EFCAB11: variants seen among roughly 807,000 people sequenced by gnomAD.
EFCAB11 encodes the protein EF-hand calcium binding domain 11.
EFCAB11 carries 14 observed loss-of-function variants against 23.0 expected under a neutral mutation model. That is an observed-to-expected ratio of 0.61 (90% confidence interval 0.40 to 0.95). The LOEUF (loss-of-function observed/expected upper bound fraction) is 0.95, where lower values mean the gene tolerates loss of function less well. EFCAB11 is among the 40% of genes least tolerant of loss of function. EFCAB11 has a pLI of 0.00. For synonymous variants in EFCAB11, 65 were observed against 66.6 expected (o/e 0.98, Z 0.11); for missense variants, 198 against 195.8 (o/e 1.01, Z -0.07).
chr14:89,940,242 T>C (rs1890744037), intron 3 of EFCAB11, among the ~76,000 whole-genome samples: 1 of 152,172 alleles, frequency 6.6e-6, no homozygotes, highest in Non-Finnish European at 1.5e-5. Context: ...AGTTTCCTGA[T>C]TATAGAAAAG....
At chr14:89,924,364 T>C (rs1265666164) in intron 5 of EFCAB11, 1 of 1,147,438 alleles carries the variant, frequency 8.7e-7, no homozygotes, top group African/African-American at 1.6e-5. Flanking sequence ...TGTGGCAATC[T>C]GCCTGTGCAC....
At chr14:89,879,045 T>G (rs924627666) in intron 5 of EFCAB11, among the ~76,000 whole-genome samples, 4 of 152,274 alleles carry the variant, frequency 2.6e-5, no homozygotes, top group Non-Finnish European at 5.9e-5. Flanking sequence ...TTGACCTTTC[T>G]TTTGCCGAGA....
chr14:89,821,456 A>T (rs1443613604), intron 5 of EFCAB11, among the ~76,000 whole-genome samples: 1 of 152,190 alleles, frequency 6.6e-6, no homozygotes, highest in Non-Finnish European at 1.5e-5. Flanking sequence ...GAGAGCTGTA[A>T]TACCATATGG....
At chr14:89,916,830 G>C (rs1279557628) in intron 5 of EFCAB11, among the ~76,000 whole-genome samples, 1 of 152,058 alleles carries the variant, frequency 6.6e-6, no homozygotes, top group Non-Finnish European at 1.5e-5. Context: ...CTAACAATAA[G>C]ACTTGGGTTA....
intron 5 of EFCAB11, among the ~76,000 whole-genome samples, chr14:89,900,344 G>C (rs72695719): frequency 1.6e-3 from 249 of 152,166 alleles, no homozygotes; most frequent in Non-Finnish European, 3.0e-3. Flanking sequence ...TGATCTCTAG[G>C]GCAATCAGGC....
At chr14:89,907,778 T>C (rs1889543514) in intron 5 of EFCAB11, among the ~76,000 whole-genome samples, 1 of 152,196 alleles carries the variant, frequency 6.6e-6, no homozygotes, top group Non-Finnish European at 1.5e-5. Context: ...TATCTATTTG[T>C]GTTTCCAATG....
chr14:89,893,795 A>G (rs1009333699), intron 5 of EFCAB11, among the ~76,000 whole-genome samples: 2 of 151,578 alleles, frequency 1.3e-5, no homozygotes, highest in Non-Finnish European at 2.9e-5. Context: ...AAAAACAAAC[A>G]AACAAAAAAA....
chr14:89,905,850 T>C (rs1013178797), intron 5 of EFCAB11, among the ~76,000 whole-genome samples: 1 of 152,016 alleles, frequency 6.6e-6, no homozygotes, highest in Admixed American at 6.6e-5. Context: ...GACTTGGTAA[T>C]TGAATGGATT....
intron 5 of EFCAB11, among the ~76,000 whole-genome samples, chr14:89,893,866 A>T (rs1028614208): frequency 6.6e-6 from 1 of 151,996 alleles, no homozygotes; most frequent in African/African-American, 2.4e-5. Context: ...ATTGATATTA[A>T]AACTATACAT....
intron 3 of EFCAB11, among the ~76,000 whole-genome samples, chr14:89,933,737 T>G (rs2139813612): frequency 6.6e-6 from 1 of 152,288 alleles, no homozygotes. Flanking sequence ...GGGAAGGCAG[T>G]CATTACACAG....
chr14:89,868,974 G>C (rs1361202710), intron 5 of EFCAB11, among the ~76,000 whole-genome samples: 1 of 152,128 alleles, frequency 6.6e-6, no homozygotes, highest in African/African-American at 2.4e-5. Flanking sequence ...GGGAGGCTGA[G>C]GAGGATCACT....
Position 89,917,082 on chromosome 14 carries a change from G to GTA in EFCAB11, c.410+14458_410+14459insTA, listed in dbSNP as rs1298844569. 2.9e-5 allele frequency among the ~76,000 whole-genome samples: 4 copies of GTA among 135,808 alleles called. No homozygotes were observed. The East Asian group carries it at 7.8e-4, about 26-fold the overall frequency. The allele number at this position is 135,808 out of a possible 152,430, so 89.1% of individuals were successfully genotyped here. A position where few individuals can be genotyped will look rare whatever the true frequency, so the allele number is the denominator to read the frequency against. On this transcript the variant is annotated intron_variant, in intron 5 of 5. Transcript: ENST00000316738. ...TGTGTGTGTGTGTGTGTGTGTGTGTGTGTGTGTGTGTGTGTATGTGTGTGT... is the reference window on the plus strand; with the variant it reads ...TGTGTGTGTGTGTGTGTGTGTGTGTGTATGTGTGTGTGTGTGTATGTGTGTGT...
chr14:89,934,034 G>A (rs1400130578), intron 3 of EFCAB11, among the ~76,000 whole-genome samples: 1 of 152,216 alleles, frequency 6.6e-6, no homozygotes, highest in Non-Finnish European at 1.5e-5. Context: ...GGAACAAAGT[G>A]AGCCAGAGAG....
chr14:89,874,494 C>T (rs1230440228), intron 5 of EFCAB11, among the ~76,000 whole-genome samples: 1 of 152,204 alleles, frequency 6.6e-6, no homozygotes, highest in Non-Finnish European at 1.5e-5. Flanking sequence ...TTTTCTATTG[C>T]ACTGTCATGC....
chr14:89,818,605 C>A (rs185415475), intron 5 of EFCAB11, among the ~76,000 whole-genome samples: 64 of 152,282 alleles, frequency 4.2e-4, no homozygotes, highest in South Asian at 3.5e-3. Flanking sequence ...AATGAACAGA[C>A]AAGCTACAGC....
At chr14:89,801,231 T>C (rs191484701) in intron 5 of EFCAB11, among the ~76,000 whole-genome samples, 1 of 152,248 alleles carries the variant, frequency 6.6e-6, no homozygotes, top group East Asian at 1.9e-4. Context: ...CTGTTACGTT[T>C]CCTATGTACT....
At chr14:89,874,237 A>G (rs1888365916) in intron 5 of EFCAB11, among the ~76,000 whole-genome samples, 1 of 152,284 alleles carries the variant, frequency 6.6e-6, no homozygotes, top group South Asian at 2.1e-4. Flanking sequence ...GGCCCCTTTT[A>G]GCCACAGATG....
In EFCAB11 at chr14:89,931,536, C is replaced by T. The variant is rs189640071; in HGVS notation, c.410+5G>A. 41 of 1,611,318 alleles carry T rather than the reference C, an allele frequency of 2.5e-5. No individual in the cohort carries two copies. Among genetic ancestry groups the T allele is most frequent in the Non-Finnish European group, 5.1e-6 (6 of 1,179,024 alleles). Reference sequence around the variant, plus strand: ...GTGGTGTACAGAAGGATTTTGATGCCTTACCTGAATACCTCAAGAACAGTC... The same window carrying T: ...GTGGTGTACAGAAGGATTTTGATGCTTTACCTGAATACCTCAAGAACAGTC... On this transcript the variant is annotated splice_donor_5th_base_variant and intron_variant, in intron 5 of 5. Transcript: ENST00000316738.
At chr14:89,909,269 G>A (rs892683286) in intron 5 of EFCAB11, among the ~76,000 whole-genome samples, 7 of 152,194 alleles carry the variant, frequency 4.6e-5, no homozygotes, top group African/African-American at 1.7e-4. Flanking sequence ...ACTACACTAG[G>A]AGAGATCATG....
Sources: gnomAD v4.1 joint callset for allele counts (sites outside exome capture counted in the v4.1 genomes callset) on GRCh38, gnomAD v4.1.1 for gene constraint, MANE v1.5 for transcripts, NCBI Gene and HGNC (gene_info 2026-07-23, HGNC 2026-07-21) for gene names.